VWA8: variants seen among roughly 807,000 people sequenced by gnomAD.
The protein encoded by VWA8 is von Willebrand factor A domain containing 8.
A neutral mutation model predicts 241.5 loss-of-function variants in VWA8; 221 were observed. That is an observed-to-expected ratio of 0.91 (90% confidence interval 0.82 to 1.02). The LOEUF is 1.02. Ranked by LOEUF, VWA8 falls within the 50% of genes least tolerant of loss-of-function variation. The probability of loss-of-function intolerance (pLI) is 0.00; values close to 1 mark genes in which losing one functional copy is unlikely to be tolerated. For missense variants in VWA8, 2,322 were observed against 2,328.7 expected (o/e 1.00, Z 0.06); for synonymous variants, 852 against 827.1 (o/e 1.03, Z -0.52).
chr13:41,833,513 G>C lies in VWA8; in HGVS notation c.1444C>G (p.Leu482Val). The change falls in exon 13 of 45, where the codon CTG becomes GTG. Residue 482 changes from leucine (L) to valine (V), a missense_variant. Transcript: ENST00000379310. ...MLYQDMTARD[L>V]LQQRYTLPNG... ...GGAAGGGTGTATCTCTGCTGTAGCA[G>C]ATCACGCGCTGTCATATCCTAAAAC... 3.1e-6 allele frequency: 5 copies of C among 1,610,368 alleles called. No homozygotes were observed. The highest frequency in any genetic ancestry group is 4.2e-6 in the Non-Finnish European group (5 of 1,178,724).
At chr13:41,789,387 C>T (rs1869351242) in intron 17 of VWA8, among the ~76,000 whole-genome samples, 1 of 152,082 alleles carries the variant, frequency 6.6e-6, no homozygotes, top group Non-Finnish European at 1.5e-5. Context: ...TGCAAATTTT[C>T]CAAGTGTACT....
At chr13:41,587,099 T>C (rs1020078155) in intron 42 of VWA8, among the ~76,000 whole-genome samples, 3 of 152,178 alleles carry the variant, frequency 2.0e-5, no homozygotes, top group African/African-American at 7.2e-5. Context: ...GAGACACCAA[T>C]GACTGTATAA....
At chr13:41,931,338 G>GT (rs1877110209) in intron 2 of VWA8, among the ~76,000 whole-genome samples, 1 of 147,336 alleles carries the variant, frequency 6.8e-6, no homozygotes, top group Admixed American at 6.8e-5. Context: ...GTGGAATCTG[G>GT]TTGGGGCGGT....
intron 9 of VWA8, among the ~76,000 whole-genome samples, chr13:41,878,238 C>A (rs1487133026): frequency 6.6e-6 from 1 of 151,874 alleles, no homozygotes; most frequent in Non-Finnish European, 1.5e-5. Context: ...CCAAATTCAA[C>A]AATATTTTAT....
chr13:41,833,052 C>A (rs976349856), intron 13 of VWA8, among the ~76,000 whole-genome samples: 1 of 151,992 alleles, frequency 6.6e-6, no homozygotes, highest in Non-Finnish European at 1.5e-5. Flanking sequence ...GAAACTTCAG[C>A]AATGTGACAT....
intron 37 of VWA8, among the ~76,000 whole-genome samples, chr13:41,630,206 G>T (rs1317078920): frequency 1.3e-5 from 2 of 152,084 alleles, no homozygotes; most frequent in African/African-American, 4.8e-5. Context: ...GAGAATGAAT[G>T]GTCCATGGTT....
Position 41,900,801 on chromosome 13 carries a change from C to T in VWA8, c.483+6785G>A, listed in dbSNP as rs754346280. On this transcript the variant is annotated intron_variant, in intron 4 of 44. Coordinates refer to ENST00000379310, the MANE Select transcript of VWA8 (RefSeq NM_015058.2). ...GCTTCAAATTTACTCAAAATAGCTA[C>T]GGTGTAAAAGTACTGAGGAAGCTAA... 9.9e-5 allele frequency among the ~76,000 whole-genome samples: 15 copies of T among 152,190 alleles called. No individual in the cohort carries two copies. In the East Asian group the frequency reaches 2.1e-3, roughly 22 times the overall value.
At chr13:41,934,574 T>C (rs2138144624) in intron 2 of VWA8, among the ~76,000 whole-genome samples, 1 of 152,090 alleles carries the variant, frequency 6.6e-6, no homozygotes, top group Non-Finnish European at 1.5e-5. Context: ...TAGAAACAAA[T>C]TGTAATATAT....
At position 41,739,858 on chromosome 13, in the gene VWA8, T is replaced by G. The variant is rs1169184; in HGVS notation, c.2427-7703A>C. Among the ~76,000 whole-genome samples the G allele has an allele frequency of 5.5e-4, 15 of 27,462 alleles. 1 individual carries two copies. In the East Asian group the frequency reaches 9.7e-3, roughly 18 times the overall value. 18.0% of individuals were successfully genotyped at this position (27,462 alleles called of 152,430 possible). On this transcript the variant is annotated intron_variant, in intron 21 of 44. Coordinates refer to ENST00000379310, the MANE Select transcript of VWA8 (RefSeq NM_015058.2). ...TTTTTTGTTTTTTTTGTTTTTTTTG[T>G]TTTTTTTTTTTTTTGAGACAGAGTC...
intron 35 of VWA8, among the ~76,000 whole-genome samples, chr13:41,681,932 G>A (rs893448214): frequency 1.3e-5 from 2 of 152,128 alleles, no homozygotes; most frequent in African/African-American, 2.4e-5. Flanking sequence ...GAAAGAAGTC[G>A]GAGAGTTATG....
intron 17 of VWA8, among the ~76,000 whole-genome samples, chr13:41,794,953 G>C (rs986728215): frequency 2.0e-5 from 3 of 152,056 alleles, no homozygotes; most frequent in Non-Finnish European, 4.4e-5. Flanking sequence ...TAACAAAAGA[G>C]ATCTAATTAA....
chr13:41,584,312 A>G (rs1442692776), intron 42 of VWA8, among the ~76,000 whole-genome samples: 3 of 152,212 alleles, frequency 2.0e-5, no homozygotes, highest in Middle Eastern at 3.4e-3. Flanking sequence ...GGGAAAATCC[A>G]CCTGTGTCTG....
intron 9 of VWA8, among the ~76,000 whole-genome samples, chr13:41,881,150 C>CA (rs1874151399): frequency 6.6e-6 from 1 of 151,940 alleles, no homozygotes; most frequent in South Asian, 2.1e-4. Context: ...TTTTTATGCT[C>CA]AAATTGTCCC....
intron 37 of VWA8, among the ~76,000 whole-genome samples, chr13:41,664,671 T>A (rs1235375630): frequency 6.6e-6 from 1 of 152,042 alleles, no homozygotes; most frequent in East Asian, 1.9e-4. Context: ...TTTCGACTAA[T>A]CTTCCAAATT....
chr13:41,588,437 A>G (rs77738023), intron 41 of VWA8, among the ~76,000 whole-genome samples: 5,585 of 152,276 alleles, frequency 0.037, 146 homozygotes, highest in South Asian at 0.08. Flanking sequence ...AAAAAAGAAG[A>G]AGGCTGCGTG....
chr13:41,856,823 C>CA (rs1237847235), intron 12 of VWA8, among the ~76,000 whole-genome samples: 1 of 133,316 alleles, frequency 7.5e-6, no homozygotes, highest in Non-Finnish European at 1.6e-5. Flanking sequence ...GGCCTTGTCT[C>CA]AAAAAAATGA....
rs114127923 is a variant in VWA8, at chr13:41,827,939, A to T, written c.1700+2590T>A. 1.6e-3 allele frequency among the ~76,000 whole-genome samples: 239 copies of T among 152,332 alleles called. 1 individual carries two copies. Among genetic ancestry groups the T allele is most frequent in the African/African-American group, 5.4e-3 (224 of 41,582 alleles). ...GAAACTGCCAGGCAGGCATGCTGTGAACTATTGCAAAATTGCTTTGATTCA... is the reference window on the plus strand; with the variant it reads ...GAAACTGCCAGGCAGGCATGCTGTGTACTATTGCAAAATTGCTTTGATTCA... On this transcript the variant is annotated intron_variant, in intron 14 of 44. Coordinates refer to ENST00000379310, the MANE Select transcript of VWA8 (RefSeq NM_015058.2).
intron 9 of VWA8, among the ~76,000 whole-genome samples, chr13:41,881,983 A>G (rs1452165575): frequency 6.7e-6 from 1 of 148,470 alleles, no homozygotes; most frequent in African/African-American, 2.5e-5. Flanking sequence ...GACTGCCGGG[A>G]CGGAGGGGCT....
intron 31 of VWA8, 146 bp downstream of exon 31, chr13:41,691,728 A>G: frequency 1.4e-6 from 1 of 739,572 alleles, no homozygotes. Flanking sequence ...GTTTCTCAAT[A>G]TTCTGCAATG....
Sources: gnomAD v4.1 joint callset for allele counts (sites outside exome capture counted in the v4.1 genomes callset) on GRCh38, gnomAD v4.1.1 for gene constraint, MANE v1.5 for transcripts, NCBI Gene and HGNC (gene_info 2026-07-23, HGNC 2026-07-21) for gene names.